The following GPHN variants were observed in gnomAD, a reference collection of about 807,000 sequenced individuals.
GPHN encodes gephyrin.
Under a neutral mutation model 95.5 loss-of-function variants are expected in GPHN, and 17 were observed. The observed-to-expected ratio is 0.18, with a 90% CI of 0.12 to 0.27. The LOEUF (loss-of-function observed/expected upper bound fraction) is 0.27. Among genes scored for constraint, GPHN ranks in the 10% least tolerant of loss-of-function variants. The pLI, the probability that GPHN is intolerant of heterozygous loss-of-function variation, is 1.00. For missense variants in GPHN, 660 were observed against 978.1 expected, an observed-to-expected ratio of 0.67 and a Z score of 4.34; for synonymous variants, 320 against 322.5, an observed-to-expected ratio of 0.99 and a Z score of 0.08.
chr14:67,038,843 C>G (rs1057302170), intron 10 of GPHN, among the ~76,000 whole-genome samples: 1 of 152,108 alleles, frequency 6.6e-6, no homozygotes, highest in Non-Finnish European at 1.5e-5. Flanking sequence ...AATTTGAAAT[C>G]TCCTCATGAT....
chr14:67,176,163 A>G (rs2082934709), intron 21 of GPHN, among the ~76,000 whole-genome samples: 1 of 152,204 alleles, frequency 6.6e-6, no homozygotes, highest in Non-Finnish European at 1.5e-5. Flanking sequence ...CCGGTTTTCA[A>G]AGGGAATGCT....
chr14:67,531,933 T>G, the GPHN span, among the ~76,000 whole-genome samples: 144 of 133,672 alleles, frequency 1.1e-3, no homozygotes, highest in Non-Finnish European at 1.2e-3. Flanking sequence ...AAAAAAAAAG[T>G]GAATGAATGA....
intron 1 of GPHN, among the ~76,000 whole-genome samples, chr14:66,587,720 A>G (rs2061479431): frequency 6.6e-6 from 1 of 152,220 alleles, no homozygotes. Context: ...TACTATAAAG[A>G]ACTGTAGGAG....
chr14:67,353,276 A>T, the GPHN span, among the ~76,000 whole-genome samples: 3 of 152,150 alleles, frequency 2.0e-5, no homozygotes, highest in Non-Finnish European at 4.4e-5. Flanking sequence ...CCATCAAGAG[A>T]TGACTGGGTC....
the GPHN span, chr14:67,722,673 T>A: frequency 5.6e-6 from 9 of 1,613,962 alleles, no homozygotes; most frequent in Non-Finnish European, 7.6e-6. Context: ...GCTCACCTCC[T>A]TCTTCTCGTT....
At chr14:67,196,223 C>CTTTTTTTT in the GPHN span, among the ~76,000 whole-genome samples, 25 of 143,114 alleles carry the variant, frequency 1.7e-4, no homozygotes, top group Non-Finnish European at 2.9e-4. Flanking sequence ...TTCTTTCTTT[C>CTTTTTTTT]TTTTTTTTTT....
At chr14:66,630,760 C>A (rs1162617072) in intron 1 of GPHN, among the ~76,000 whole-genome samples, 1 of 152,194 alleles carries the variant, frequency 6.6e-6, no homozygotes, top group Non-Finnish European at 1.5e-5. Flanking sequence ...GCGTGAGCCA[C>A]TGCGCCCAGC....
At chr14:66,656,031 T>G (rs895349034) in intron 1 of GPHN, among the ~76,000 whole-genome samples, 1 of 152,152 alleles carries the variant, frequency 6.6e-6, no homozygotes, top group Non-Finnish European at 1.5e-5. Context: ...TGGATATATA[T>G]TCACATGAGA....
chr14:66,904,359 G>A (rs2065267579), intron 5 of GPHN, among the ~76,000 whole-genome samples: 1 of 152,006 alleles, frequency 6.6e-6, no homozygotes. Context: ...ACAGTGTGCT[G>A]ATTTGTCCAT....
intron 9 of GPHN, among the ~76,000 whole-genome samples, chr14:66,997,155 C>T (rs1311152794): frequency 6.6e-6 from 1 of 151,976 alleles, no homozygotes; most frequent in Non-Finnish European, 1.5e-5. Flanking sequence ...CACTTGAGGT[C>T]AGGAGTTTGA....
chr14:66,572,688 A>C (rs1020224694), intron 1 of GPHN, among the ~76,000 whole-genome samples: 1 of 152,052 alleles, frequency 6.6e-6, no homozygotes, highest in African/African-American at 2.4e-5. Flanking sequence ...TCTATACATA[A>C]GATGCTGTCA....
intron 2 of GPHN, among the ~76,000 whole-genome samples, chr14:66,697,850 G>A (rs1000567257): frequency 2.6e-5 from 4 of 151,742 alleles, no homozygotes; most frequent in African/African-American, 9.7e-5. Flanking sequence ...ACCACAGCTG[G>A]CTACTTTTTA....
chr14:67,167,302 A>G (rs1271645143), intron 20 of GPHN, among the ~76,000 whole-genome samples: 2 of 152,182 alleles, frequency 1.3e-5, no homozygotes, highest in South Asian at 2.1e-4. Flanking sequence ...TTATACAGTA[A>G]TGTTATAAAG....
chr14:66,538,390 A>G (rs181978839), intron 1 of GPHN, among the ~76,000 whole-genome samples: 20 of 147,720 alleles, frequency 1.4e-4, no homozygotes, highest in African/African-American at 3.7e-4. Context: ...TTCTACCCCA[A>G]TCTCTCTCTC....
chr14:67,345,322 C>T, the GPHN span, among the ~76,000 whole-genome samples: 24 of 151,292 alleles, frequency 1.6e-4, no homozygotes, highest in African/African-American at 5.6e-4. Flanking sequence ...TTTGGGAGGC[C>T]GAGGCGGGTG....
the GPHN span, chr14:67,376,455 G>A: frequency 3.7e-6 from 6 of 1,608,506 alleles, no homozygotes; most frequent in East Asian, 4.5e-5. Context: ...AGCATTCTTC[G>A]TCATGTTGCT....
the GPHN span, among the ~76,000 whole-genome samples, chr14:67,265,542 G>A: frequency 1.5e-3 from 235 of 152,096 alleles, 1 homozygote; most frequent in African/African-American, 5.6e-3. Context: ...GCAACAGAGC[G>A]AGACCCTATC....
chr14:67,382,550 A>G, the GPHN span: 1 of 1,613,976 alleles, frequency 6.2e-7, no homozygotes, highest in South Asian at 1.1e-5. Context: ...ATCAAAGAGA[A>G]GATTGAGGAA....
chr14:67,577,456 C>G, the GPHN span: 8 of 1,266,914 alleles, frequency 6.3e-6, no homozygotes, highest in East Asian at 2.0e-4. Context: ...GGGATACTTG[C>G]AATACTTGGG....
Sources: gnomAD v4.1 joint callset for allele counts (sites outside exome capture counted in the v4.1 genomes callset) on GRCh38, gnomAD v4.1.1 for gene constraint, MANE v1.5 for transcripts, NCBI Gene and HGNC (gene_info 2026-07-23, HGNC 2026-07-21) for gene names.